C2CD5: variants seen among roughly 807,000 people sequenced by gnomAD.
C2CD5 encodes C2 calcium dependent domain containing 5.
Under a neutral mutation model 130.3 loss-of-function variants are expected in C2CD5, and 109 were observed. The observed-to-expected ratio is 0.84, with a 90% CI of 0.72 to 0.98. The LOEUF is 0.98. Ranked by LOEUF, C2CD5 falls within the 50% of genes least tolerant of loss-of-function variation. The pLI, the probability that C2CD5 is intolerant of heterozygous loss-of-function variation, is 0.00. For missense variants in C2CD5, 996 were observed against 1,261.8 expected, an observed-to-expected ratio of 0.79 and a Z score of 3.19; for synonymous variants, 454 against 429.2, an observed-to-expected ratio of 1.06 and a Z score of -0.71.
chr12:22,469,817 A>ATTACTAAATAACT, intron 21 of C2CD5, 22 bp from the exon 22 acceptor site: 1 of 1,392,610 alleles, frequency 7.2e-7, no homozygotes, highest in Non-Finnish European at 9.9e-7. Flanking sequence ...AGAAAATATC[A>ATTACTAAATAACT]GTTATTTAGT....
chr12:22,470,996 C>A (rs540908398), intron 20 of C2CD5, 85 bp from the exon 21 acceptor site: 4 of 795,930 alleles, frequency 5.0e-6, no homozygotes, highest in East Asian at 2.6e-5. Flanking sequence ...TACCACGGAA[C>A]AACCTACACC....
At chr12:22,471,184 T>C (rs976097643) in intron 20 of C2CD5, among the ~76,000 whole-genome samples, 4 of 152,040 alleles carry the variant, frequency 2.6e-5, no homozygotes, top group African/African-American at 9.7e-5. Context: ...GATCCTACTG[T>C]ATACATGCTG....
At chr12:22,523,923 G>A (rs1442232441) in intron 6 of C2CD5, among the ~76,000 whole-genome samples, 1 of 151,750 alleles carries the variant, frequency 6.6e-6, no homozygotes, top group East Asian at 1.9e-4. Context: ...ATACATGTAT[G>A]AATATATATT....
At chr12:22,539,490 A>G (rs1431064742) in intron 2 of C2CD5, among the ~76,000 whole-genome samples, 2 of 152,150 alleles carry the variant, frequency 1.3e-5, no homozygotes, top group Admixed American at 1.3e-4. Flanking sequence ...ACCAACTCCT[A>G]AAGCTTTGCA....
Position 22,502,379 on chromosome 12 carries a change from T to C in C2CD5, c.1147+4332A>G, listed in dbSNP as rs1375013846. Among the ~76,000 whole-genome samples the C allele has an allele frequency of 3.3e-5, 5 of 152,246 alleles. No individual in the cohort carries two copies. The East Asian group carries it at 9.6e-4, about 29-fold the overall frequency. Reference sequence around the variant, plus strand: ...TATTTTTAGATTTATGAAACATTACTTATATTTAACAAATATTTGCTTAAT... The same window carrying C: ...TATTTTTAGATTTATGAAACATTACCTATATTTAACAAATATTTGCTTAAT... On this transcript the variant is annotated intron_variant, in intron 10 of 26. Transcript: ENST00000446597.
At chr12:22,525,527 C>G (rs1381419720) in intron 5 of C2CD5, 83 bp downstream of exon 5, 5 of 782,150 alleles carry the variant, frequency 6.4e-6, no homozygotes, top group Admixed American at 4.0e-5. Flanking sequence ...AGCTTTTCTA[C>G]TTGCCTTCTG....
intron 6 of C2CD5, 50 bp downstream of exon 6, chr12:22,524,421 AT>A: frequency 6.5e-7 from 1 of 1,544,156 alleles, no homozygotes; most frequent in Non-Finnish European, 8.9e-7. Flanking sequence ...AAAGCAAAAA[AT>A]TTAAGAGAGT....
intron 12 of C2CD5, among the ~76,000 whole-genome samples, chr12:22,488,388 G>A (rs925525): frequency 0.15 from 22,782 of 151,226 alleles, 3,296 homozygotes; most frequent in African/African-American, 0.38. Context: ...CTAATAAGCA[G>A]TAATAATTTT....
chr12:22,523,859 GAATA>G (rs1359444058), intron 6 of C2CD5, among the ~76,000 whole-genome samples: 1 of 150,818 alleles, frequency 6.6e-6, no homozygotes, highest in Non-Finnish European at 1.5e-5. Flanking sequence ...CAAATATATA[GAATA>G]AAAACAAATA....
chr12:22,512,794 C>T lies in C2CD5; in HGVS notation c.1038+500G>A, dbSNP rs1381088682. ...TAGCTAAATCTCAAACTTACAATAA[C>T]TGAAATAGATGCATTATACTGAATA... On this transcript the variant is annotated intron_variant, in intron 9 of 26. Coordinates refer to ENST00000446597, the MANE Select transcript of C2CD5 (RefSeq NM_001286176.2). 5 of 657,376 alleles carry T rather than the reference C, an allele frequency of 7.6e-6. No homozygotes were observed. The Admixed American group carries it at 9.6e-5, about 13-fold the overall frequency. The allele number at this position is 657,376 out of a possible 1,614,324, so 40.7% of individuals were successfully genotyped here.
In C2CD5 at chr12:22,458,588, G is replaced by A. The variant is rs1940445012; in HGVS notation, c.2585-3C>T. The A allele has an allele frequency of 8.0e-7, 1 of 1,243,752 alleles. No individual in the cohort carries two copies. 77.0% of individuals were successfully genotyped at this position (1,243,752 alleles called of 1,614,324 possible). On this transcript the variant is annotated splice_region_variant and splice_polypyrimidine_tract_variant and intron_variant, in intron 23 of 26. Coordinates refer to ENST00000446597, the MANE Select transcript of C2CD5 (RefSeq NM_001286176.2). ...GGAACTGTAATCAACTGACGTTGCT[G>A]AAAACACAGACAGAAAACAAAAGAA...
chr12:22,509,991 G>C (rs970971761), intron 9 of C2CD5, among the ~76,000 whole-genome samples: 1 of 152,114 alleles, frequency 6.6e-6, no homozygotes, highest in African/African-American at 2.4e-5. Context: ...GATCACCTGA[G>C]GTTAGGAGTT....
At chr12:22,458,421 ACC>A (rs1940408568) in intron 24 of C2CD5, 61 bp downstream of exon 24, 6 of 734,928 alleles carry the variant, frequency 8.2e-6, no homozygotes, top group Non-Finnish European at 1.1e-5. Flanking sequence ...TCTAGCTTTC[ACC>A]ACTGGGAAAT....
chr12:22,503,912 T>C (rs1277691624), intron 10 of C2CD5, among the ~76,000 whole-genome samples: 5 of 152,206 alleles, frequency 3.3e-5, no homozygotes. Flanking sequence ...TCATACGCCA[T>C]TGAAAGCACT....
chr12:22,505,257 T>C (rs1391031208), intron 10 of C2CD5, among the ~76,000 whole-genome samples: 2 of 144,356 alleles, frequency 1.4e-5, no homozygotes, highest in East Asian at 3.9e-4. Flanking sequence ...TTTCTTTCTT[T>C]TTTTTTTTTT....
rs200592425 is a variant in C2CD5, at chr12:22,532,330, C to CA, written c.177+2927dup. 3.2e-3 allele frequency among the ~76,000 whole-genome samples: 422 copies of CA among 131,368 alleles called. 2 individuals carry two copies. The highest frequency in any genetic ancestry group is 0.012 in the Middle Eastern group (3 of 258). 86.2% of individuals were successfully genotyped at this position (131,368 alleles called of 152,430 possible). A position where few individuals can be genotyped will look rare whatever the true frequency, so the allele number is the denominator to read the frequency against. ...GGGCAACGGGAGTGAAACTCCGTCTCAAAAAAAAAAAAAAGTTTACATATA... is the reference window on the plus strand; with the variant it reads ...GGGCAACGGGAGTGAAACTCCGTCTCAAAAAAAAAAAAAAAGTTTACATATA... On this transcript the variant is annotated intron_variant, in intron 3 of 26. Transcript: ENST00000446597.
chr12:22,475,704 G>A (rs1281307990), intron 15 of C2CD5, among the ~76,000 whole-genome samples: 1 of 152,126 alleles, frequency 6.6e-6, no homozygotes, highest in Non-Finnish European at 1.5e-5. Flanking sequence ...ATGCACCTTA[G>A]ATAAAAGACT....
chr12:22,466,377 T>C (rs1942078510), intron 22 of C2CD5, among the ~76,000 whole-genome samples: 2 of 152,056 alleles, frequency 1.3e-5, no homozygotes, highest in Non-Finnish European at 2.9e-5. Context: ...TTATCAGTAT[T>C]AGTAACTGAC....
At chr12:22,544,201 T>C in intron 1 of C2CD5, 22 bp from the exon 2 acceptor site, 3 of 1,572,008 alleles carry the variant, frequency 1.9e-6, no homozygotes, top group Non-Finnish European at 2.6e-6. Context: ...AACAAACGAG[T>C]CTGCGCCGAG....
Sources: allele counts gnomAD v4.1 joint callset (sites outside exome capture counted in the v4.1 genomes callset), GRCh38; gene constraint gnomAD v4.1.1; transcripts MANE v1.5; gene names NCBI Gene and HGNC (gene_info 2026-07-23, HGNC 2026-07-21).